PEAK1: variants seen among roughly 807,000 people sequenced by gnomAD.
PEAK1 encodes the protein pseudopodium enriched atypical kinase 1.
Under a neutral mutation model 124.7 loss-of-function variants are expected in PEAK1, and 54 were observed. That is an observed-to-expected ratio of 0.43 (90% CI 0.35 to 0.54). The LOEUF (loss-of-function observed/expected upper bound fraction) is 0.54, where lower values mean the gene tolerates loss of function less well. PEAK1 is among the 20% of genes least tolerant of loss of function. The pLI, the probability that PEAK1 is intolerant of heterozygous loss-of-function variation, is 0.01. For missense variants in PEAK1, 2,046 were observed against 2,134.5 expected (o/e 0.96, Z 0.82); for synonymous variants, 719 against 760.0 (o/e 0.95, Z 0.89).
At chr15:77,174,558 A>T (rs1283454432) in intron 7 of PEAK1, among the ~76,000 whole-genome samples, 1 of 152,210 alleles carries the variant, frequency 6.6e-6, no homozygotes, top group Non-Finnish European at 1.5e-5. Flanking sequence ...GTGCATATTC[A>T]TGCTTTAAAC....
At chr15:77,390,030 C>T (rs925890723) in intron 1 of PEAK1, among the ~76,000 whole-genome samples, 1 of 152,214 alleles carries the variant, frequency 6.6e-6, no homozygotes, top group African/African-American at 2.4e-5. Flanking sequence ...CATTAACCCT[C>T]ATAACAACCC....
intron 1 of PEAK1, among the ~76,000 whole-genome samples, chr15:77,415,253 C>A (rs2072776942): frequency 1.3e-5 from 2 of 152,228 alleles, no homozygotes; most frequent in Non-Finnish European, 2.9e-5. Context: ...AACTAACAAT[C>A]CTTCTTCAGT....
intron 7 of PEAK1, among the ~76,000 whole-genome samples, chr15:77,170,422 G>A (rs1214866891): frequency 6.6e-6 from 1 of 152,114 alleles, no homozygotes; most frequent in Non-Finnish European, 1.5e-5. Context: ...ATAACTAGAG[G>A]TTCATGAATA....
Position 77,335,759 on chromosome 15 carries a change from C to G in PEAK1, c.-603+29404G>C, listed in dbSNP as rs2066160742. On this transcript the variant is annotated intron_variant, in intron 2 of 9. Transcript: ENST00000682557. ...TCCCACTTCAGCCTCCCAAAGTGCT[C>G]AGATTACAGGTGTGAGTCACTGTAC... is the stretch of plus-strand genomic sequence containing the variant. The G allele has an allele frequency of 8.1e-6, 8 of 982,260 alleles. No individual in the cohort carries two copies. In the Admixed American group the frequency reaches 3.7e-4, roughly 45 times the overall value. 60.8% of individuals were successfully genotyped at this position (982,260 alleles called of 1,614,324 possible).
intron 2 of PEAK1, among the ~76,000 whole-genome samples, chr15:77,326,291 C>T (rs1045746031): frequency 6.6e-6 from 1 of 152,138 alleles, no homozygotes; most frequent in Admixed American, 6.5e-5. Context: ...TCAATAAACA[C>T]TTTCAACTAC....
intron 2 of PEAK1, among the ~76,000 whole-genome samples, chr15:77,320,494 G>A (rs998226916): frequency 2.0e-5 from 3 of 152,018 alleles, no homozygotes; most frequent in Admixed American, 6.6e-5. Flanking sequence ...TACTTCCAAG[G>A]TTTTCTAGAC....
chr15:77,267,924 C>A (rs1292368411), intron 5 of PEAK1, among the ~76,000 whole-genome samples: 1 of 151,906 alleles, frequency 6.6e-6, no homozygotes, highest in Admixed American at 6.6e-5. Flanking sequence ...ATAGAGGAGG[C>A]ATCAGAGAAA....
intron 1 of PEAK1, among the ~76,000 whole-genome samples, chr15:77,386,772 CAAG>C (rs758215977): frequency 9.9e-5 from 15 of 152,122 alleles, no homozygotes; most frequent in Non-Finnish European, 1.5e-4. Context: ...AGACCATGTG[CAAG>C]AAGATCTTCC....
At chr15:77,390,905 T>G (rs8035526) in intron 1 of PEAK1, among the ~76,000 whole-genome samples, 33,599 of 152,062 alleles carry the variant, frequency 0.22, 4,196 homozygotes, top group Middle Eastern at 0.3. Context: ...ACAGATGCCC[T>G]GGGAATTCCA....
chr15:77,214,094 T>A (rs1402615309), intron 6 of PEAK1, among the ~76,000 whole-genome samples: 1 of 152,208 alleles, frequency 6.6e-6, no homozygotes, highest in African/African-American at 2.4e-5. Context: ...ATTAATCTTG[T>A]GTGTATCATT....
At chr15:77,350,724 A>T (rs996089869) in intron 2 of PEAK1, 2 of 985,402 alleles carry the variant, frequency 2.0e-6, no homozygotes, top group East Asian at 2.3e-4. Context: ...CACAGAAATC[A>T]GAATGATCAT....
chr15:77,224,721 C>T (rs1357297597), intron 6 of PEAK1, among the ~76,000 whole-genome samples: 1 of 152,018 alleles, frequency 6.6e-6, no homozygotes, highest in Non-Finnish European at 1.5e-5. Flanking sequence ...TAATTTCTCA[C>T]AGCACTTACG....
chr15:77,175,237 C>A (rs1172878714), intron 7 of PEAK1, among the ~76,000 whole-genome samples: 1 of 151,908 alleles, frequency 6.6e-6, no homozygotes, highest in East Asian at 1.9e-4. Flanking sequence ...GCAAGAAAAG[C>A]CAAAATTGAC....
chr15:77,282,765 C>A (rs1002891801), intron 5 of PEAK1, among the ~76,000 whole-genome samples: 2 of 152,144 alleles, frequency 1.3e-5, no homozygotes, highest in African/African-American at 4.8e-5. Flanking sequence ...GTTAGCAAGA[C>A]ACAATCATAT....
intron 2 of PEAK1, among the ~76,000 whole-genome samples, chr15:77,322,355 G>A (rs577461871): frequency 1.4e-3 from 210 of 152,120 alleles, no homozygotes; most frequent in African/African-American, 4.5e-3. Context: ...TTTTTTGAAA[G>A]GATCAACAAA....
At chr15:77,235,385 T>C (rs886392969) in intron 6 of PEAK1, among the ~76,000 whole-genome samples, 2 of 152,072 alleles carry the variant, frequency 1.3e-5, no homozygotes, top group African/African-American at 4.8e-5. Flanking sequence ...ATATGGACAA[T>C]TAAGTCCAGG....
chr15:77,181,815 T>C lies in PEAK1; in HGVS notation c.112A>G (p.Ile38Val), dbSNP rs1465988444. ...TTAGTTTTCACATTGCCATGGGTGATGGGTGCCTTCTCAGGGTCTGGGGGA... is the reference window on the plus strand; with the variant it reads ...TTAGTTTTCACATTGCCATGGGTGACGGGTGCCTTCTCAGGGTCTGGGGGA... Reference protein sequence around the residue: ...QLPPDPEKAPITHGNVKTNAN... With the variant: ...QLPPDPEKAPVTHGNVKTNAN... The change falls in exon 7 of 10, where the codon ATC (isoleucine) becomes GTC (valine). Residue 38 changes from isoleucine (I) to valine (V), a missense_variant. Physicochemically the swap from Ile to Val is conservative, Grantham distance 29. Transcript: ENST00000682557. The C allele has an allele frequency of 9.3e-6, 15 of 1,614,092 alleles. No homozygotes were observed. In the East Asian group the frequency reaches 3.1e-4, roughly 34 times the overall value.
intron 5 of PEAK1, among the ~76,000 whole-genome samples, chr15:77,253,790 T>C (rs1256863044): frequency 6.6e-6 from 1 of 152,158 alleles, no homozygotes; most frequent in Non-Finnish European, 1.5e-5. Flanking sequence ...TTTTGTTTTC[T>C]GGCTATTTTG....
At chr15:77,369,279 A>C (rs564768428) in intron 1 of PEAK1, among the ~76,000 whole-genome samples, 1 of 152,332 alleles carries the variant, frequency 6.6e-6, no homozygotes, top group South Asian at 2.1e-4. Flanking sequence ...AGACAGCACA[A>C]ACCCAAAACA....
Sources: allele counts gnomAD v4.1 joint callset (sites outside exome capture counted in the v4.1 genomes callset), GRCh38; gene constraint gnomAD v4.1.1; transcripts MANE v1.5; gene names NCBI Gene and HGNC (gene_info 2026-07-23, HGNC 2026-07-21).